The following ATAD5 variants were observed in gnomAD, a reference collection of about 807,000 sequenced individuals.
The protein encoded by ATAD5 is ATPase family AAA domain containing 5, also known as ATPase family AAA domain-containing protein 5.
A neutral mutation model predicts 176.9 loss-of-function variants in ATAD5; 58 were observed. The ratio of observed to expected loss-of-function variants is 0.33; its 90% CI spans 0.27 to 0.41. The LOEUF is 0.41. ATAD5 is among the 10% of genes least tolerant of loss of function. ATAD5 has a pLI of 1.00. For synonymous variants in ATAD5, 640 were observed against 712.6 expected (o/e 0.90, Z 1.62); for missense variants, 1,789 against 2,094.1 (o/e 0.85, Z 2.84).
chr17:30,887,183 G>C lies in ATAD5; in HGVS notation c.4078-9G>C. The C allele has an allele frequency of 1.3e-6, 2 of 1,568,584 alleles. No individual in the cohort carries two copies. The highest frequency in any genetic ancestry group is 1.7e-6 in the Non-Finnish European group (2 of 1,161,258). On this transcript the variant is annotated splice_polypyrimidine_tract_variant and intron_variant, in intron 18 of 22. Coordinates refer to ENST00000321990, the MANE Select transcript of ATAD5 (RefSeq NM_024857.5). ...AGCAGTTAACCACATTTCTCTCTCT[G>C]TTTTGAAGCTAAATGTTGCCAGCTA...
chr17:30,842,322 A>G (rs1283720245), intron 4 of ATAD5, among the ~76,000 whole-genome samples: 1 of 152,030 alleles, frequency 6.6e-6, no homozygotes, highest in Non-Finnish European at 1.5e-5. Context: ...AAATAGTGAA[A>G]ATAATGAATA....
In ATAD5 at chr17:30,858,246, T is replaced by C; in HGVS notation, c.2879T>C (p.Leu960Ser). ...AGGTGGTCAAATCCTGAATTTTCAT[T>C]GAAAAAATATTTTCCCTTACTCCTA... ...EIRWSNPEFS[L>S]KKYFPLLLKK... The change falls in exon 9 of 23, where the codon TTG becomes TCG. Residue 960 changes from leucine to serine, a missense_variant. Leu to Ser is a moderately radical substitution (Grantham distance 145, BLOSUM62 -2). Coordinates refer to ENST00000321990, the MANE Select transcript of ATAD5 (RefSeq NM_024857.5). The C allele has an allele frequency of 6.3e-7, 1 of 1,599,284 alleles. No homozygotes were observed. Among genetic ancestry groups the C allele is most frequent in the Non-Finnish European group, 8.5e-7 (1 of 1,173,074 alleles).
intron 19 of ATAD5, among the ~76,000 whole-genome samples, 173 bp downstream of exon 19, chr17:30,887,545 C>T (rs1354927799): frequency 1.3e-5 from 2 of 152,062 alleles, no homozygotes; most frequent in Non-Finnish European, 2.9e-5. Flanking sequence ...AGTGAGACCC[C>T]TGTCTCTACA....
At chr17:30,881,411 C>T (rs1909005225) in intron 18 of ATAD5, among the ~76,000 whole-genome samples, 1 of 152,128 alleles carries the variant, frequency 6.6e-6, no homozygotes, top group Admixed American at 6.6e-5. Context: ...GCAATTCTCC[C>T]ACCTCAGCCT....
Position 30,844,022 on chromosome 17 carries a change from C to A in ATAD5, c.2351C>A (p.Ser784Tyr). The change falls in exon 5 of 23, where the codon TCC becomes TAC. Residue 784 changes from serine to tyrosine, a missense_variant. Physicochemically the swap from Ser to Tyr is moderately radical, Grantham distance 144 (BLOSUM62 -2). This residue lies in a region of ATAD5 where 487 missense variants were observed against 573.6 expected (regional missense o/e 0.85). Coordinates refer to ENST00000321990, the MANE Select transcript of ATAD5 (RefSeq NM_024857.5). ...GTGCTAGGAAAAAAACTTAACACATCCACTAAAAATGTACCTGGTAATCAG... is the reference window on the plus strand; with the variant it reads ...GTGCTAGGAAAAAAACTTAACACATACACTAAAAATGTACCTGGTAATCAG... The part of the protein sequence containing the change: ...NDVLGKKLNT[S>Y]TKNVPGKMKV... 1 of 1,543,018 alleles carries A rather than the reference C, an allele frequency of 6.5e-7. No individual in the cohort carries two copies. The highest frequency in any genetic ancestry group is 8.7e-7 in the Non-Finnish European group (1 of 1,149,638).
rs72308846 is a variant in ATAD5, at chr17:30,874,969, GGT to G, written c.3608-1402_3608-1401del. Among the ~76,000 whole-genome samples the G allele has an allele frequency of 4.5e-3, 685 of 152,062 alleles. 8 individuals are homozygous for G. The highest frequency in any genetic ancestry group is 0.016 in the African/African-American group (660 of 41,508). On this transcript the variant is annotated intron_variant, in intron 14 of 22. Transcript: ENST00000321990. ...TTAAGATATTGCATCTCTTACCTGT[GGT>G]GTTGAAATGTTCTATATTTTTGAAA... is the stretch of plus-strand genomic sequence containing the variant.
chr17:30,863,001 A>G (rs7342976), intron 10 of ATAD5: 73,371 of 151,100 alleles, frequency 0.49, 19,816 homozygotes, highest in African/African-American at 0.75. Context: ...GGCCAGGCTG[A>G]GCAACACAGG....
intron 12 of ATAD5, 120 bp downstream of exon 12, chr17:30,868,532 G>T (rs1908137087): frequency 1.6e-6 from 1 of 614,606 alleles, no homozygotes; most frequent in African/African-American, 2.2e-5. Flanking sequence ...TTTGGAGACA[G>T]AGTCTTGCTC....
chr17:30,894,721 A>T lies in ATAD5; in HGVS notation c.5455A>T (p.Arg1819Ter). The T allele has an allele frequency of 6.3e-7, 1 of 1,597,908 alleles. No homozygotes were observed. Among genetic ancestry groups the T allele is most frequent in the Non-Finnish European group, 8.5e-7 (1 of 1,175,214 alleles). ...AAAAGAACAAGGAAAAAGTAAAAGA[A>T]GGTAAAGGCTTTATTAAAAACAACA... ...KLKEQGKSKR[R>*]FLHYFEGIHL... The change falls in exon 22 of 23, where the codon AGA becomes TGA. Residue 1819 changes from arginine to a stop codon, truncating the protein, a stop_gained and splice_region_variant. Transcript: ENST00000321990. LOFTEE classifies it high-confidence loss of function.
At position 30,893,928 on chromosome 17, in the gene ATAD5, TTA is replaced by T; in HGVS notation, c.5076_5077del (p.Phe1692LeufsTer3). ...GTTACAAGTGGACTTTGTGATGAGT[TTA>T]GTCTTGAGAGTAATGATGGATGGAC... On this transcript the variant is annotated frameshift_variant, in exon 21 of 23. Transcript: ENST00000321990. LOFTEE classifies it high-confidence loss of function. 6.2e-7 allele frequency: 1 copy of T among 1,614,048 alleles called. No homozygotes were observed. Among genetic ancestry groups the T allele is most frequent in the Non-Finnish European group, 8.5e-7 (1 of 1,179,936 alleles).
intron 10 of ATAD5, chr17:30,863,930 G>A (rs1035519412): frequency 5.9e-5 from 9 of 152,226 alleles, no homozygotes; most frequent in South Asian, 2.1e-4. Flanking sequence ...CTCCCAAAGT[G>A]CTGGGATTAC....
Position 30,860,599 on chromosome 17 carries a change from AGAT to A in ATAD5, c.3124_3126del (p.Asp1042del). 1.3e-6 allele frequency: 2 copies of A among 1,568,540 alleles called. No homozygotes were observed. Among genetic ancestry groups the A allele is most frequent in the South Asian group, 2.4e-5 (2 of 81,976 alleles). On this transcript the variant is annotated inframe_deletion, in exon 10 of 23. Coordinates refer to ENST00000321990, the MANE Select transcript of ATAD5 (RefSeq NM_024857.5). ...GAAACAACTCTTCTGGGATAAAGCT[AGAT>A]TCTTCCAAAGGTATATTTTCTAAAA...
At chr17:30,877,359 T>G (rs770328450) in intron 15 of ATAD5, 57 bp from the exon 16 acceptor site, 19 of 1,195,968 alleles carry the variant, frequency 1.6e-5, no homozygotes, top group Non-Finnish European at 2.3e-5. Context: ...TGTGGACATA[T>G]CCAATGTCTT....
intron 18 of ATAD5, among the ~76,000 whole-genome samples, chr17:30,884,940 G>A (rs963045559): frequency 6.6e-6 from 1 of 151,392 alleles, no homozygotes; most frequent in Admixed American, 6.6e-5. Flanking sequence ...GTAGAGACGG[G>A]GTTTCACTGT....
rs780484748 is a variant in ATAD5 at position 30,834,449 on chromosome 17, T to C, written c.368T>C (p.Leu123Pro). The C allele has an allele frequency of 6.3e-7, 1 of 1,591,368 alleles. No homozygotes were observed. The highest frequency in any genetic ancestry group is 1.2e-5 in the South Asian group (1 of 86,416). ...KRKRVNLSHQ[L>P]NNIKTENEAP... is the part of the protein sequence containing the mutation. ...AAGAGGGTTAATTTATCTCATCAAC[T>C]AAATAATATTAAAACTGAAAATGAA... Residue 123 changes from leucine (L) to proline (P), a missense_variant, in exon 2 of 23, where the codon CTA (leucine) becomes CCA (proline). Transcript: ENST00000321990.
chr17:30,865,910 AAAC>A, intron 11 of ATAD5, 110 bp downstream of exon 11: 3 of 564,798 alleles, frequency 5.3e-6, no homozygotes, highest in Non-Finnish European at 8.5e-6. Flanking sequence ...AATCTTCAAA[AAAC>A]TGGTAGAAGT....
At chr17:30,890,484 C>T (rs1446528905) in intron 19 of ATAD5, among the ~76,000 whole-genome samples, 1 of 143,140 alleles carries the variant, frequency 7.0e-6, no homozygotes, top group African/African-American at 2.6e-5. Flanking sequence ...TGCAGTGGCA[C>T]GATCTCGGTT....
In ATAD5 at chr17:30,835,421, T is replaced by C. The variant is rs768171111; in HGVS notation, c.1340T>C (p.Met447Thr). The C allele has an allele frequency of 6.2e-7, 1 of 1,611,638 alleles. No homozygotes were observed. The highest frequency in any genetic ancestry group is 8.5e-7 in the Non-Finnish European group (1 of 1,179,360). Residue 447 changes from methionine (M) to threonine (T), a missense_variant, in exon 2 of 23, where the codon ATG (methionine) becomes ACG (threonine). Transcript: ENST00000321990. ...AGAGATGATAATTCTAAAAAAATCA[T>C]GGAAAATTCTGGTATCCAAATGGTT... ...VGRDDNSKKI[M>T]ENSGIQMVSK...
intron 14 of ATAD5, among the ~76,000 whole-genome samples, chr17:30,871,097 T>C (rs1238738932): frequency 6.7e-6 from 1 of 149,372 alleles, no homozygotes; most frequent in African/African-American, 2.5e-5. Flanking sequence ...TTTTTCAGTC[T>C]TTTTCCTCTT....
Sources: gnomAD v4.1 joint callset for allele counts (sites outside exome capture counted in the v4.1 genomes callset) on GRCh38, gnomAD v4.1.1 for gene constraint, gnomAD v4.1.1 regional missense constraint, MANE v1.5 for transcripts, NCBI Gene and HGNC (gene_info 2026-07-23, HGNC 2026-07-21) for gene names.